Variants in MACROD2 observed in about 807,000 individuals in gnomAD.
MACROD2 encodes mono-ADP ribosylhydrolase 2, also known as ADP-ribose glycohydrolase MACROD2.
In MACROD2, 36 loss-of-function variants were observed where a neutral mutation model predicts 70.4. The ratio of observed to expected loss-of-function variants is 0.51; its 90% CI spans 0.39 to 0.68. The LOEUF (loss-of-function observed/expected upper bound fraction) is 0.68, where lower values mean the gene tolerates loss of function less well. MACROD2 is among the 30% of genes least tolerant of loss of function. The pLI, the probability that MACROD2 is intolerant of heterozygous loss-of-function variation, is 0.00. For missense variants in MACROD2, 496 were observed against 538.4 expected (o/e 0.92, Z 0.78); for synonymous variants, 172 against 178.8 (o/e 0.96, Z 0.30).
intron 5 of MACROD2, among the ~76,000 whole-genome samples, chr20:15,227,521 T>C (rs2076917662): frequency 6.6e-6 from 1 of 152,186 alleles, no homozygotes; most frequent in East Asian, 1.9e-4. Flanking sequence ...GTCCCGTTGT[T>C]CTTTCATGTA....
At chr20:15,831,789 T>C (rs1223231504) in intron 8 of MACROD2, among the ~76,000 whole-genome samples, 1 of 152,190 alleles carries the variant, frequency 6.6e-6, no homozygotes, top group African/African-American at 2.4e-5. Flanking sequence ...CTCTGAACTA[T>C]CAGGTGCTGG....
At chr20:14,821,011 A>G (rs577473794) in intron 5 of MACROD2, among the ~76,000 whole-genome samples, 70 of 152,200 alleles carry the variant, frequency 4.6e-4, no homozygotes, top group African/African-American at 1.6e-3. Flanking sequence ...TCATTAACAT[A>G]GGGTCTTACA....
intron 3 of MACROD2, among the ~76,000 whole-genome samples, chr20:14,260,947 A>G (rs935137517): frequency 2.6e-5 from 4 of 152,118 alleles, no homozygotes; most frequent in East Asian, 3.9e-4. Context: ...TTTGCTCTCC[A>G]TTTCCTTCAA....
chr20:16,012,056 G>A (rs935804364), intron 15 of MACROD2, among the ~76,000 whole-genome samples: 4 of 152,198 alleles, frequency 2.6e-5, no homozygotes, highest in African/African-American at 9.7e-5. Flanking sequence ...CAGGGAATGT[G>A]GGAACATGAA....
chr20:14,062,272 G>A (rs1383268956), intron 2 of MACROD2, among the ~76,000 whole-genome samples: 1 of 152,108 alleles, frequency 6.6e-6, no homozygotes, highest in Non-Finnish European at 1.5e-5. Context: ...ATGTTTGAGT[G>A]TTTACCATGT....
intron 7 of MACROD2, among the ~76,000 whole-genome samples, chr20:15,497,006 G>A (rs1374148226): frequency 6.6e-6 from 1 of 152,110 alleles, no homozygotes. Context: ...AGGAAGGGGC[G>A]GTGGAAAATA....
chr20:14,269,637 A>G (rs2082173690), intron 3 of MACROD2, among the ~76,000 whole-genome samples: 1 of 152,184 alleles, frequency 6.6e-6, no homozygotes, highest in African/African-American at 2.4e-5. Flanking sequence ...ATCTATTTTC[A>G]TACAATTTCT....
At chr20:14,045,182 A>G (rs1288113715) in intron 2 of MACROD2, among the ~76,000 whole-genome samples, 1 of 152,224 alleles carries the variant, frequency 6.6e-6, no homozygotes, top group Non-Finnish European at 1.5e-5. Flanking sequence ...ACCTCCCTGC[A>G]AGCTGAGGGA....
At chr20:14,570,988 AACTTT>A (rs1348325979) in intron 4 of MACROD2, among the ~76,000 whole-genome samples, 1 of 152,006 alleles carries the variant, frequency 6.6e-6, no homozygotes, top group Non-Finnish European at 1.5e-5. Context: ...GTGATTCTGA[AACTTT>A]ACTTTAAGCA....
chr20:15,749,880 G>T (rs12106257), intron 8 of MACROD2, among the ~76,000 whole-genome samples: 2 of 151,960 alleles, frequency 1.3e-5, no homozygotes, highest in African/African-American at 4.8e-5. Context: ...TTAAATAAGA[G>T]GCTCAAAACT....
At chr20:16,003,229 T>A (rs2066739918) in intron 15 of MACROD2, among the ~76,000 whole-genome samples, 1 of 152,186 alleles carries the variant, frequency 6.6e-6, no homozygotes, top group African/African-American at 2.4e-5. Flanking sequence ...TTCAGCATCA[T>A]CTAGGAACTT....
At chr20:14,176,358 CATA>C (rs1453696146) in intron 3 of MACROD2, among the ~76,000 whole-genome samples, 2 of 152,160 alleles carry the variant, frequency 1.3e-5, no homozygotes, top group African/African-American at 4.8e-5. Flanking sequence ...CTTAGTTTTA[CATA>C]ATAATGTGTT....
chr20:15,975,724 T>C (rs934885421), intron 13 of MACROD2, among the ~76,000 whole-genome samples: 2 of 152,236 alleles, frequency 1.3e-5, no homozygotes, highest in African/African-American at 4.8e-5. Context: ...TGGCTATCCC[T>C]TAGTTATAAA....
At chr20:16,024,612 T>C (rs555225285) in intron 15 of MACROD2, among the ~76,000 whole-genome samples, 4 of 152,200 alleles carry the variant, frequency 2.6e-5, no homozygotes, top group South Asian at 4.1e-4. Flanking sequence ...CTGCCTTCTT[T>C]CTTTCTCTCA....
intron 3 of MACROD2, among the ~76,000 whole-genome samples, chr20:14,249,533 G>T (rs2081993935): frequency 6.6e-6 from 1 of 151,952 alleles, no homozygotes. Context: ...GGACCACAGG[G>T]GGTCACAGAG....
chr20:14,937,344 A>C (rs1224387406), intron 5 of MACROD2, among the ~76,000 whole-genome samples: 1 of 152,010 alleles, frequency 6.6e-6, no homozygotes, highest in East Asian at 1.9e-4. Context: ...GTTTGGTTCC[A>C]TTTGGGCCTG....
intron 6 of MACROD2, among the ~76,000 whole-genome samples, chr20:15,416,071 G>T (rs1471671388): frequency 6.6e-6 from 1 of 152,180 alleles, no homozygotes; most frequent in African/African-American, 2.4e-5. Context: ...GAAATGTGGA[G>T]AAATAACTTA....
At chr20:15,674,392 G>A (rs560192463) in intron 8 of MACROD2, among the ~76,000 whole-genome samples, 7 of 152,108 alleles carry the variant, frequency 4.6e-5, no homozygotes, top group Non-Finnish European at 1.0e-4. Context: ...GCGACAGGGA[G>A]CAGCAGTGGG....
intron 4 of MACROD2, among the ~76,000 whole-genome samples, chr20:14,585,848 G>A (rs976878723): frequency 7.9e-5 from 12 of 152,122 alleles, no homozygotes; most frequent in African/African-American, 2.4e-4. Context: ...TGAGTTTTAG[G>A]TGAGATATTC....
Sources: gnomAD v4.1 joint callset for allele counts (sites outside exome capture counted in the v4.1 genomes callset) on GRCh38, gnomAD v4.1.1 for gene constraint, MANE v1.5 for transcripts, NCBI Gene and HGNC (gene_info 2026-07-23, HGNC 2026-07-21) for gene names.